The following MARCHF1 variants were observed in gnomAD, a reference collection of about 807,000 sequenced individuals.
MARCHF1 encodes E3 ubiquitin-protein ligase MARCHF1.
In MARCHF1, 40 loss-of-function variants were observed where a neutral mutation model predicts 54.2. The ratio of observed to expected loss-of-function variants is 0.74; its 90% CI spans 0.57 to 0.96. MARCHF1 has a LOEUF of 0.96. Ranked by LOEUF, MARCHF1 falls within the 40% of genes least tolerant of loss-of-function variation. The pLI, the probability that MARCHF1 is intolerant of heterozygous loss-of-function variation, is 0.00. For synonymous variants in MARCHF1, 236 were observed against 236.3 expected (o/e 1.00, Z 0.01); for missense variants, 586 against 656.5 (o/e 0.89, Z 1.17).
At chr4:163,862,700 A>G (rs1238369731) in intron 3 of MARCHF1, among the ~76,000 whole-genome samples, 2 of 152,058 alleles carry the variant, frequency 1.3e-5, no homozygotes, top group African/African-American at 4.8e-5. Context: ...CAATCCAGCA[A>G]CTGCACTTAC....
intron 8 of MARCHF1, among the ~76,000 whole-genome samples, chr4:163,581,876 TATTC>T (rs1048820539): frequency 6.6e-6 from 1 of 152,210 alleles, no homozygotes; most frequent in African/African-American, 2.4e-5. Context: ...AAAGATAATT[TATTC>T]ATTATCTTAT....
At chr4:164,137,380 G>C (rs376213567) in intron 1 of MARCHF1, among the ~76,000 whole-genome samples, 12 of 152,228 alleles carry the variant, frequency 7.9e-5, no homozygotes, top group African/African-American at 2.9e-4. Context: ...ATATTTCTAT[G>C]ATAGTAGGAT....
intron 2 of MARCHF1, among the ~76,000 whole-genome samples, chr4:164,040,335 C>G (rs1472992736): frequency 7.7e-6 from 1 of 129,450 alleles, no homozygotes; most frequent in Non-Finnish European, 1.6e-5. Context: ...AATACTTATA[C>G]AATACTTATA....
intron 1 of MARCHF1, among the ~76,000 whole-genome samples, chr4:164,251,110 T>C (rs1187749934): frequency 6.6e-6 from 1 of 152,186 alleles, no homozygotes; most frequent in Non-Finnish European, 1.5e-5. Flanking sequence ...TGCTAGCCAT[T>C]ATGTAAAATT....
rs184928180 is a variant in MARCHF1, at chr4:164,208,329, A to T, written c.-322-96667T>A. Among the ~76,000 whole-genome samples, 482 of 152,276 alleles carry T rather than the reference A, an allele frequency of 3.2e-3. 1 individual carries two copies. The highest frequency in any genetic ancestry group is 0.011 in the African/African-American group (458 of 41,566). On this transcript the variant is annotated intron_variant, in intron 1 of 9. Transcript: ENST00000514618. ...GAAAAGATCCTCTCTGCTGACACACAAGGGCTGGATTCTTTCTTCCTGCCT... is the reference window on the plus strand; with the variant it reads ...GAAAAGATCCTCTCTGCTGACACACTAGGGCTGGATTCTTTCTTCCTGCCT...
chr4:164,071,402 ATATTT>A (rs1277928969), intron 2 of MARCHF1, among the ~76,000 whole-genome samples: 2 of 152,090 alleles, frequency 1.3e-5, no homozygotes, highest in Non-Finnish European at 2.9e-5. Flanking sequence ...GTGGAAATTT[ATATTT>A]TATTTATAAT....
intron 5 of MARCHF1, among the ~76,000 whole-genome samples, chr4:163,648,651 G>T (rs866117750): frequency 7.0e-6 from 1 of 143,554 alleles, no homozygotes; most frequent in Middle Eastern, 3.3e-3. Flanking sequence ...AGCAAATGTT[G>T]TTGGAAAAAA....
chr4:163,966,146 G>A (rs975354742), intron 3 of MARCHF1, among the ~76,000 whole-genome samples: 4 of 152,004 alleles, frequency 2.6e-5, no homozygotes, highest in Non-Finnish European at 4.4e-5. Flanking sequence ...ACTAAAATGT[G>A]CTATATTACA....
At chr4:163,884,915 G>A (rs975303170) in intron 3 of MARCHF1, among the ~76,000 whole-genome samples, 2 of 152,120 alleles carry the variant, frequency 1.3e-5, no homozygotes, top group Admixed American at 1.3e-4. Context: ...AGAGACTAAA[G>A]GGGGACACTT....
intron 1 of MARCHF1, among the ~76,000 whole-genome samples, chr4:164,312,327 T>C (rs1243880356): frequency 3.5e-5 from 5 of 143,078 alleles, no homozygotes; most frequent in Admixed American, 2.1e-4. Context: ...TTCTTTTTTT[T>C]TTTTTTTTTT....
chr4:163,706,670 G>T (rs1459608989), intron 4 of MARCHF1, among the ~76,000 whole-genome samples: 1 of 151,890 alleles, frequency 6.6e-6, no homozygotes, highest in African/African-American at 2.4e-5. Context: ...TCTACAAATT[G>T]ACATATGAGT....
At chr4:163,823,682 C>T (rs1010753822) in intron 4 of MARCHF1, among the ~76,000 whole-genome samples, 4 of 151,766 alleles carry the variant, frequency 2.6e-5, no homozygotes, top group African/African-American at 9.7e-5. Flanking sequence ...CATTTTATCA[C>T]TATCATTGCT....
chr4:163,837,525 T>G (rs1308293976), intron 4 of MARCHF1, among the ~76,000 whole-genome samples: 1 of 152,102 alleles, frequency 6.6e-6, no homozygotes, highest in Non-Finnish European at 1.5e-5. Context: ...AAAAGTGACT[T>G]GATTCAGCTA....
chr4:163,553,447 C>G (rs1467402958), intron 8 of MARCHF1, among the ~76,000 whole-genome samples: 2 of 152,118 alleles, frequency 1.3e-5, no homozygotes, highest in Non-Finnish European at 2.9e-5. Context: ...ATATGTTTTT[C>G]GGAATACTGA....
intron 3 of MARCHF1, among the ~76,000 whole-genome samples, chr4:163,934,191 C>T (rs1751742837): frequency 6.6e-6 from 1 of 151,910 alleles, no homozygotes; most frequent in Non-Finnish European, 1.5e-5. Context: ...TGACTATAGT[C>T]CCAAAAAAGC....
chr4:163,773,868 A>G (rs1747229914), intron 4 of MARCHF1, among the ~76,000 whole-genome samples: 1 of 152,178 alleles, frequency 6.6e-6, no homozygotes, highest in Non-Finnish European at 1.5e-5. Context: ...GTTCATAAAC[A>G]TTTTTACAAT....
intron 5 of MARCHF1, among the ~76,000 whole-genome samples, chr4:163,698,690 A>C (rs2111224119): frequency 6.6e-6 from 1 of 152,340 alleles, no homozygotes; most frequent in South Asian, 2.1e-4. Flanking sequence ...TAAATACTAA[A>C]ACATGATAAA....
chr4:163,548,091 T>C (rs944285501), intron 8 of MARCHF1, among the ~76,000 whole-genome samples: 1 of 152,260 alleles, frequency 6.6e-6, no homozygotes, highest in Admixed American at 6.5e-5. Context: ...CCGTGCAAGA[T>C]TGATTTTTTA....
At chr4:164,211,900 G>T (rs144112096) in intron 1 of MARCHF1, among the ~76,000 whole-genome samples, 47 of 152,212 alleles carry the variant, frequency 3.1e-4, no homozygotes, top group African/African-American at 1.1e-3. Context: ...AAATATGGAG[G>T]ATGCTCCAAC....
Sources: allele counts gnomAD v4.1 joint callset (sites outside exome capture counted in the v4.1 genomes callset), GRCh38; gene constraint gnomAD v4.1.1; transcripts MANE v1.5; gene names NCBI Gene and HGNC (gene_info 2026-07-23, HGNC 2026-07-21).